SVIL: variants seen among roughly 807,000 people sequenced by gnomAD.
The protein encoded by SVIL is archvillin.
A neutral mutation model predicts 240.4 loss-of-function variants in SVIL; 101 were observed. That is an observed-to-expected ratio of 0.42 (90% CI 0.36 to 0.50). SVIL has a LOEUF of 0.50. SVIL is among the 20% of genes least tolerant of loss of function. The pLI, the probability that SVIL is intolerant of heterozygous loss-of-function variation, is 0.01. For synonymous variants in SVIL, 999 were observed against 1,100.0 expected (o/e 0.91, Z 1.82); for missense variants, 2,512 against 2,818.7 (o/e 0.89, Z 2.46).
chr10:29,461,973 C>CAA (rs1944313404), intron 36 of SVIL, among the ~76,000 whole-genome samples: 3 of 152,338 alleles, frequency 2.0e-5, no homozygotes, highest in Admixed American at 2.0e-4. Context: ...AGGTTCTTAG[C>CAA]AAACAGAATG....
intron 16 of SVIL, among the ~76,000 whole-genome samples, chr10:29,515,332 T>C (rs534539193): frequency 6.6e-6 from 1 of 152,340 alleles, no homozygotes; most frequent in Non-Finnish European, 1.5e-5. Context: ...TTTCATACTA[T>C]ATAATGACTA....
At chr10:29,551,363 C>T (rs1011515459) in intron 5 of SVIL, 100 bp from the exon 6 acceptor site, 14 of 1,227,754 alleles carry the variant, frequency 1.1e-5, no homozygotes, top group African/African-American at 1.5e-5. Flanking sequence ...CACCTGGGTG[C>T]CCATGCTGTG....
chr10:29,593,968 G>A (rs977839673), intron 1 of SVIL, among the ~76,000 whole-genome samples: 89 of 152,050 alleles, frequency 5.9e-4, no homozygotes, highest in African/African-American at 2.1e-3. Flanking sequence ...TTTTCAAGGC[G>A]GTGAAAATAC....
chr10:29,606,752 T>C (rs1957038528), intron 1 of SVIL, among the ~76,000 whole-genome samples: 2 of 152,294 alleles, frequency 1.3e-5, no homozygotes, highest in South Asian at 4.1e-4. Context: ...AACATTTAAC[T>C]ATTTTTTTAT....
chr10:29,662,777 G>A (rs1040777601), intron 2 of SVIL, among the ~76,000 whole-genome samples: 44 of 139,756 alleles, frequency 3.1e-4, no homozygotes, highest in African/African-American at 9.3e-4. Flanking sequence ...ATGTGCGCGC[G>A]TACACACACA....
At chr10:29,597,820 C>T (rs1226511010) in intron 1 of SVIL, among the ~76,000 whole-genome samples, 1 of 151,900 alleles carries the variant, frequency 6.6e-6, no homozygotes, top group African/African-American at 2.4e-5. Flanking sequence ...TGCTGTGGAC[C>T]CTTACAGATT....
intron 2 of SVIL, among the ~76,000 whole-genome samples, chr10:29,659,685 A>C (rs181406530): frequency 1.6e-4 from 25 of 152,306 alleles, no homozygotes; most frequent in East Asian, 1.2e-3. Context: ...TAAAAAATAA[A>C]TTATTGTCAC....
At chr10:29,544,043 G>C (rs1589185181) in intron 6 of SVIL, among the ~76,000 whole-genome samples, 1 of 152,056 alleles carries the variant, frequency 6.6e-6, no homozygotes, top group East Asian at 1.9e-4. Flanking sequence ...GTTGCCCTTG[G>C]GTTGTATCCC....
At chr10:29,591,774 G>T (rs1057112731) in intron 1 of SVIL, among the ~76,000 whole-genome samples, 1 of 152,252 alleles carries the variant, frequency 6.6e-6, no homozygotes, top group African/African-American at 2.4e-5. Flanking sequence ...CATCGGCCTT[G>T]CTGCATGAAG....
At chr10:29,486,903 C>T (rs954711990) in intron 24 of SVIL, among the ~76,000 whole-genome samples, 12 of 152,130 alleles carry the variant, frequency 7.9e-5, no homozygotes, top group African/African-American at 2.7e-4. Flanking sequence ...AAAGTGGGGC[C>T]GCTTCCTTTT....
chr10:29,480,955 A>G, intron 28 of SVIL, 142 bp from the exon 29 acceptor site: 2 of 1,038,726 alleles, frequency 1.9e-6, no homozygotes, highest in Non-Finnish European at 2.8e-6. Context: ...AACTGCAGTC[A>G]GGGAAAGGCT....
intron 1 of SVIL, among the ~76,000 whole-genome samples, chr10:29,606,077 A>AT (rs1469991034): frequency 6.6e-6 from 1 of 151,890 alleles, no homozygotes; most frequent in Non-Finnish European, 1.5e-5. Flanking sequence ...CGCGCAGTTA[A>AT]TTTTTGTATT....
chr10:29,707,359 C>T (rs1396696101), intron 1 of SVIL, among the ~76,000 whole-genome samples: 2 of 152,100 alleles, frequency 1.3e-5, no homozygotes, highest in African/African-American at 4.8e-5. Flanking sequence ...CTTCACATTC[C>T]TTGTTAGCTG....
intron 2 of SVIL, among the ~76,000 whole-genome samples, chr10:29,675,711 T>C (rs1031967758): frequency 6.6e-5 from 10 of 152,120 alleles, no homozygotes; most frequent in African/African-American, 9.7e-5. Flanking sequence ...ACCCTCCCAA[T>C]AGAAAAACCA....
In SVIL at chr10:29,735,135, C is replaced by G. The variant is rs908842694; in HGVS notation, c.-400+616G>C. On this transcript the variant is annotated intron_variant, in intron 1 of 35. Coordinates refer to the SVIL transcript ENST00000375400. The surrounding 1 kb of genome is among the most constrained non-coding windows in gnomAD (Gnocchi z 4.1). ...GCTGGCTGTCACCCGGGGACTAAACCACTCCCTTCGGGGAGCCCGCACGCG... is the reference window on the plus strand; with the variant it reads ...GCTGGCTGTCACCCGGGGACTAAACGACTCCCTTCGGGGAGCCCGCACGCG... Among the ~76,000 whole-genome samples, 2 of 152,116 alleles carry G rather than the reference C, an allele frequency of 1.3e-5. No individual in the cohort carries two copies. The highest frequency in any genetic ancestry group is 2.9e-5 in the Non-Finnish European group (2 of 68,006).
rs759285547 is a variant in SVIL at position 29,524,708 on chromosome 10, C to A, written c.2350G>T (p.Ala784Ser). Reference protein sequence around the residue: ...RSAVQPARLQASAHQKALAKD... With the variant: ...RSAVQPARLQSSAHQKALAKD... The stretch of plus-strand genomic sequence containing the variant: ...GCTAAGGCCTTTTGGTGAGCAGAGG[C>A]CTGCAATCTGAAAAAAATAAAATGT... Residue 784 changes from alanine (A) to serine (S), a missense_variant, in exon 14 of 38, where the codon GCC (alanine) becomes TCC (serine). Ala to Ser is a moderately conservative substitution (Grantham distance 99). This residue lies in a region of SVIL where 1,443 missense variants were observed against 1,486.6 expected (regional missense o/e 0.97). Coordinates refer to ENST00000355867, the MANE Select transcript of SVIL (RefSeq NM_021738.3). 3.7e-6 allele frequency: 6 copies of A among 1,613,138 alleles called. No individual in the cohort carries two copies. The highest frequency in any genetic ancestry group is 1.1e-5 in the South Asian group (1 of 91,068).
chr10:29,588,816 C>T (rs1956272289), intron 1 of SVIL, among the ~76,000 whole-genome samples: 1 of 152,070 alleles, frequency 6.6e-6, no homozygotes, highest in African/African-American at 2.4e-5. Context: ...TAACTGACTT[C>T]CCCCTCCTTT....
chr10:29,519,676 G>C (rs888690631), intron 16 of SVIL, among the ~76,000 whole-genome samples: 5 of 152,240 alleles, frequency 3.3e-5, no homozygotes, highest in African/African-American at 1.2e-4. Flanking sequence ...TTTTGCATTA[G>C]TGTAATTTAT....
intron 17 of SVIL, among the ~76,000 whole-genome samples, chr10:29,509,678 G>A (rs547244660): frequency 1.3e-3 from 197 of 151,726 alleles, no homozygotes; most frequent in African/African-American, 4.6e-3. Context: ...GAGAAACCCC[G>A]TCTCTACTAA....
Sources: gnomAD v4.1 joint callset for allele counts (sites outside exome capture counted in the v4.1 genomes callset) on GRCh38, gnomAD v4.1.1 for gene constraint, gnomAD v4.1.1 regional missense constraint, Gnocchi (gnomAD v3.1) non-coding constraint, MANE v1.5 for transcripts, NCBI Gene and HGNC (gene_info 2026-07-23, HGNC 2026-07-21) for gene names.